The following CORIN variants were observed in gnomAD, a reference collection of about 807,000 sequenced individuals.
The protein encoded by CORIN is corin, serine peptidase, also known as atrial natriuretic peptide-converting enzyme.
In CORIN, 117 loss-of-function variants were observed where a neutral mutation model predicts 125.3. That is an observed-to-expected ratio of 0.93 (90% CI 0.80 to 1.09). The LOEUF is 1.09. Among genes scored for constraint, CORIN ranks in the 50% least tolerant of loss-of-function variants. The pLI, the probability that CORIN is intolerant of heterozygous loss-of-function variation, is 0.00. For missense variants in CORIN, 1,253 were observed against 1,306.7 expected (o/e 0.96, Z 0.63); for synonymous variants, 450 against 466.4 (o/e 0.96, Z 0.45).
In CORIN at chr4:47,641,944, A is replaced by C. The variant is rs1428699519; in HGVS notation, c.2174T>G (p.Leu725Arg). 6.2e-7 allele frequency: 1 copy of C among 1,613,456 alleles called. No individual in the cohort carries two copies. Among genetic ancestry groups the C allele is most frequent in the Non-Finnish European group, 8.5e-7 (1 of 1,179,618 alleles). The change falls in exon 16 of 22, where the codon CTG becomes CGG. Residue 725 changes from leucine to arginine, a missense_variant. Physicochemically the swap from Leu to Arg is moderately radical, Grantham distance 102. Transcript: ENST00000273857. The part of the protein sequence containing the change: ...ADGWQEILSQ[L>R]ACKQMGLGEP... ...CCCTAAACCCATCTGCTTGCAGGCC[A>C]GCTGACTCAATATCTCCTGCCAGCC...
chr4:47,763,840 T>G (rs1729584838), intron 3 of CORIN, among the ~76,000 whole-genome samples: 1 of 151,674 alleles, frequency 6.6e-6, no homozygotes, highest in African/African-American at 2.4e-5. Flanking sequence ...ACATATCTAG[T>G]AGGCATATAA....
intron 5 of CORIN, among the ~76,000 whole-genome samples, chr4:47,710,816 CT>C: frequency 6.6e-6 from 1 of 152,356 alleles, no homozygotes; most frequent in Admixed American, 6.5e-5. Context: ...CTATGTGCCC[CT>C]GATGCACACG....
Position 47,786,779 on chromosome 4 carries a change from G to C in CORIN, c.355C>G (p.Pro119Ala). 2 of 1,614,148 alleles carry C rather than the reference G, an allele frequency of 1.2e-6. No homozygotes were observed. The highest frequency in any genetic ancestry group is 1.7e-6 in the Non-Finnish European group (2 of 1,180,014). Residue 119 changes from proline to alanine, a missense_variant, in exon 3 of 22, where the codon CCA (proline) becomes GCA (alanine). Coordinates refer to ENST00000273857, the MANE Select transcript of CORIN (RefSeq NM_006587.4). ...VSTAHPDQHV[P>A]AWTTDASLPG... ...AGAGAAGCATCCGTAGTCCAGGCTG[G>C]AACGTGTTGGTCGGGATGTGCAGTA...
Position 47,623,069 on chromosome 4 carries a change from CCTCT to C in CORIN, c.2540+498_2540+501del, listed in dbSNP as rs372736248. 1.3e-3 allele frequency among the ~76,000 whole-genome samples: 117 copies of C among 93,584 alleles called. No individual in the cohort carries two copies. In the Middle Eastern group the frequency reaches 0.016, roughly 13 times the overall value. The allele number at this position is 93,584 out of a possible 152,430, so 61.4% of individuals were successfully genotyped here. A position where few individuals can be genotyped will look rare whatever the true frequency, so the allele number is the denominator to read the frequency against. On this transcript the variant is annotated intron_variant, in intron 19 of 21. Coordinates refer to ENST00000273857, the MANE Select transcript of CORIN (RefSeq NM_006587.4). ...GGAAACATAAAATGGCATAACATAA[CCTCT>C]CTCTCTCTCTCTCTCTCTCTCTCTA...
At chr4:47,689,842 G>C (rs1725690312) in intron 6 of CORIN, among the ~76,000 whole-genome samples, 1 of 152,144 alleles carries the variant, frequency 6.6e-6, no homozygotes, top group Non-Finnish European at 1.5e-5. Flanking sequence ...CAGACAAACT[G>C]AATCAAAATC....
In CORIN at chr4:47,798,301, C is replaced by T. The variant is rs74557388; in HGVS notation, c.208+8602G>A. ...CAGACAAAATTAGAGACACGTAGTA[C>T]ATCTGTGTTTGTTAGCATAAGGCTT... On this transcript the variant is annotated intron_variant, in intron 2 of 21. Transcript: ENST00000273857. Among the ~76,000 whole-genome samples, 1,401 of 152,300 alleles carry T rather than the reference C, an allele frequency of 9.2e-3. 16 individuals are homozygous for T. The highest frequency in any genetic ancestry group is 0.026 in the African/African-American group (1,088 of 41,578).
At chr4:47,682,996 A>G (rs3792710) in intron 7 of CORIN, 80,243 of 152,006 alleles carry the variant, frequency 0.53, 21,804 homozygotes, top group Non-Finnish European at 0.59. Context: ...TATCTAATGC[A>G]GGACATTGTC....
chr4:47,742,158 T>G (rs1728434760), intron 5 of CORIN, among the ~76,000 whole-genome samples: 1 of 151,836 alleles, frequency 6.6e-6, no homozygotes. Context: ...ATAATAAAAT[T>G]CAAAACCCAT....
chr4:47,695,976 T>A (rs191435863), intron 5 of CORIN, among the ~76,000 whole-genome samples: 1 of 152,312 alleles, frequency 6.6e-6, no homozygotes, highest in East Asian at 1.9e-4. Context: ...CACTCCCCTG[T>A]TCCTGGTACT....
At chr4:47,677,566 T>C (rs372244326) in intron 9 of CORIN, among the ~76,000 whole-genome samples, 1 of 152,210 alleles carries the variant, frequency 6.6e-6, no homozygotes, top group Non-Finnish European at 1.5e-5. Flanking sequence ...CTGAACATGA[T>C]TATTTTAGGA....
At chr4:47,836,892 C>T (rs1196574457) in intron 1 of CORIN, among the ~76,000 whole-genome samples, 1 of 152,218 alleles carries the variant, frequency 6.6e-6, no homozygotes, top group Non-Finnish European at 1.5e-5. Flanking sequence ...GCCCTCTCTG[C>T]CTGCAGCTAG....
At position 47,682,766 on chromosome 4, in the gene CORIN, C is replaced by T. The variant is rs191822214; in HGVS notation, c.1021+965G>A. On this transcript the variant is annotated intron_variant, in intron 7 of 21. Transcript: ENST00000273857. The stretch of plus-strand genomic sequence containing the variant: ...TTAGTCAAAATAAAATAAAAATAAA[C>T]TATTATCAGAAAAAAGCAATAACCC... The T allele has an allele frequency of 2.6e-3, 397 of 152,166 alleles. 1 individual carries two copies. The highest frequency in any genetic ancestry group is 9.2e-3 in the African/African-American group (381 of 41,522). 9.4% of individuals were successfully genotyped at this position (152,166 alleles called of 1,614,324 possible). A position where few individuals can be genotyped will look rare whatever the true frequency, so the allele number is the denominator to read the frequency against.
At chr4:47,762,867 C>T (rs1432206850) in intron 4 of CORIN, among the ~76,000 whole-genome samples, 7 of 152,100 alleles carry the variant, frequency 4.6e-5, no homozygotes, top group Admixed American at 2.0e-4. Flanking sequence ...TGGCAGTGGC[C>T]GTGCTCCTCT....
At chr4:47,606,971 CA>C (rs1721674291) in intron 19 of CORIN, among the ~76,000 whole-genome samples, 1 of 152,234 alleles carries the variant, frequency 6.6e-6, no homozygotes, top group Admixed American at 6.5e-5. Flanking sequence ...CATTCATCCA[CA>C]TGCTTAAATC....
chr4:47,723,812 C>T (rs879688861), intron 5 of CORIN, among the ~76,000 whole-genome samples: 5 of 151,844 alleles, frequency 3.3e-5, no homozygotes, highest in East Asian at 1.9e-4. Context: ...CTGGCTAACA[C>T]GGTGAAACCC....
In CORIN at chr4:47,680,278, G is replaced by T. The variant is rs1235969273; in HGVS notation, c.1022-27C>A. Reference sequence around the variant, plus strand: ...TGGAGAAATGAAAACTCACGAGGATGCAGAGAACCAGCATGACTAACAGGC... The same window carrying T: ...TGGAGAAATGAAAACTCACGAGGATTCAGAGAACCAGCATGACTAACAGGC... On this transcript the variant is annotated intron_variant, in intron 7 of 21. Transcript: ENST00000273857. 5 of 1,539,438 alleles carry T rather than the reference G, an allele frequency of 3.2e-6. No individual in the cohort carries two copies. The South Asian group carries it at 5.6e-5, about 17-fold the overall frequency.
Position 47,789,260 on chromosome 4 carries a change from C to G in CORIN, c.209-2335G>C, listed in dbSNP as rs1467601247. ...CAGAGGTTGCAGTGAGCCGAGTTTG[C>G]ACCATTGCACTCCAGCCAGGGCAAC... On this transcript the variant is annotated intron_variant, in intron 2 of 21. Transcript: ENST00000273857. 2.0e-5 allele frequency among the ~76,000 whole-genome samples: 3 copies of G among 152,102 alleles called. No individual in the cohort carries two copies. The South Asian group carries it at 6.2e-4, about 31-fold the overall frequency.
chr4:47,751,112 G>T (rs1340759468), intron 4 of CORIN, among the ~76,000 whole-genome samples: 1 of 152,144 alleles, frequency 6.6e-6, no homozygotes, highest in African/African-American at 2.4e-5. Context: ...CTGAATAAAA[G>T]TCTAAATCAT....
At chr4:47,659,295 A>G (rs1724140651) in intron 12 of CORIN, among the ~76,000 whole-genome samples, 2 of 152,172 alleles carry the variant, frequency 1.3e-5, no homozygotes, top group Non-Finnish European at 2.9e-5. Context: ...CCGGTTCCAA[A>G]GTTGCTTCCA....
Sources: allele counts gnomAD v4.1 joint callset (sites outside exome capture counted in the v4.1 genomes callset), GRCh38; gene constraint gnomAD v4.1.1; transcripts MANE v1.5; gene names NCBI Gene and HGNC (gene_info 2026-07-23, HGNC 2026-07-21).